Variants in RPS6KC1 observed in about 807,000 individuals in gnomAD.
The protein encoded by RPS6KC1 is ribosomal protein S6 kinase C1.
In RPS6KC1, 54 loss-of-function variants were observed where a neutral mutation model predicts 103.8. The observed-to-expected ratio is 0.52, with a 90% CI of 0.42 to 0.65. The LOEUF (loss-of-function observed/expected upper bound fraction) is 0.65. Ranked by LOEUF, RPS6KC1 falls within the 30% of genes least tolerant of loss-of-function variation. RPS6KC1 has a pLI of 0.00. For synonymous variants in RPS6KC1, 439 were observed against 438.7 expected (o/e 1.00, Z -0.01); for missense variants, 1,151 against 1,253.8 (o/e 0.92, Z 1.24).
chr1:213,484,678 G>T, the RPS6KC1 span, among the ~76,000 whole-genome samples: 95 of 152,270 alleles, frequency 6.2e-4, no homozygotes, highest in African/African-American at 2.2e-3. Context: ...CAAGAGGTGG[G>T]TGTCATGTAC....
At chr1:213,588,167 C>T in the RPS6KC1 span, among the ~76,000 whole-genome samples, 4 of 152,120 alleles carry the variant, frequency 2.6e-5, no homozygotes, top group Non-Finnish European at 4.4e-5. Flanking sequence ...CCTCAACCTC[C>T]CGGGCTCAAG....
At chr1:213,797,037 GT>G in the RPS6KC1 span, among the ~76,000 whole-genome samples, 1 of 152,310 alleles carries the variant, frequency 6.6e-6, no homozygotes, top group East Asian at 1.9e-4. Context: ...GATGCAATCA[GT>G]TGATGACTAC....
At chr1:213,108,297 C>T (rs1025965877) in intron 4 of RPS6KC1, among the ~76,000 whole-genome samples, 3 of 152,090 alleles carry the variant, frequency 2.0e-5, no homozygotes, top group African/African-American at 7.2e-5. Flanking sequence ...CTAAATTCAT[C>T]TTCTGGTGTG....
chr1:213,562,878 G>C, the RPS6KC1 span, among the ~76,000 whole-genome samples: 1 of 151,666 alleles, frequency 6.6e-6, no homozygotes, highest in East Asian at 2.0e-4. Flanking sequence ...TGCCCAGGCT[G>C]GTCTTGAACT....
chr1:213,234,155 G>A (rs749041385), intron 10 of RPS6KC1, among the ~76,000 whole-genome samples: 15 of 151,564 alleles, frequency 9.9e-5, no homozygotes, highest in Non-Finnish European at 1.8e-4. Context: ...GATTACATGC[G>A]TGCACCACCA....
chr1:213,106,668 C>G (rs2082530372), intron 4 of RPS6KC1, among the ~76,000 whole-genome samples: 1 of 152,114 alleles, frequency 6.6e-6, no homozygotes, highest in Non-Finnish European at 1.5e-5. Context: ...ATGCAAATGA[C>G]CATATAGCCA....
At chr1:213,459,982 TAGGG>T in the RPS6KC1 span, among the ~76,000 whole-genome samples, 1 of 152,240 alleles carries the variant, frequency 6.6e-6, no homozygotes, top group Non-Finnish European at 1.5e-5. Flanking sequence ...TTGCATTTGC[TAGGG>T]AGTGTTTTAC....
the RPS6KC1 span, among the ~76,000 whole-genome samples, chr1:213,574,858 G>A: frequency 2.3e-4 from 35 of 152,240 alleles, no homozygotes; most frequent in East Asian, 6.6e-3. Context: ...TTGGGGTGTG[G>A]GCTGGCAAGA....
At chr1:213,409,702 A>G in the RPS6KC1 span, among the ~76,000 whole-genome samples, 1 of 152,220 alleles carries the variant, frequency 6.6e-6, no homozygotes, top group Non-Finnish European at 1.5e-5. Context: ...GGTCTGCTCA[A>G]TGGCTCCAAT....
At chr1:213,426,927 A>G in the RPS6KC1 span, among the ~76,000 whole-genome samples, 2 of 152,242 alleles carry the variant, frequency 1.3e-5, no homozygotes, top group African/African-American at 2.4e-5. Context: ...TCTAGCTGCT[A>G]TGTATACTGG....
chr1:213,332,506 G>A, the RPS6KC1 span, among the ~76,000 whole-genome samples: 1 of 152,236 alleles, frequency 6.6e-6, no homozygotes, highest in East Asian at 1.9e-4. Context: ...TCCATCTCTG[G>A]CAGCAGGACG....
intron 6 of RPS6KC1, among the ~76,000 whole-genome samples, chr1:213,159,335 A>G (rs1003226003): frequency 4.6e-5 from 7 of 152,216 alleles, no homozygotes; most frequent in African/African-American, 1.4e-4. Context: ...ACTGGAAATT[A>G]TAGCTTGGAA....
intron 1 of RPS6KC1, among the ~76,000 whole-genome samples, chr1:213,066,655 C>T (rs1228059150): frequency 6.6e-6 from 1 of 152,148 alleles, no homozygotes; most frequent in African/African-American, 2.4e-5. Context: ...TCAGGTGTTG[C>T]AGTCAAGGAG....
the RPS6KC1 span, among the ~76,000 whole-genome samples, chr1:213,685,026 C>A: frequency 6.6e-6 from 1 of 152,162 alleles, no homozygotes; most frequent in African/African-American, 2.4e-5. Context: ...AACTAATTCA[C>A]CCCACCCTCT....
At chr1:213,783,163 A>T in the RPS6KC1 span, among the ~76,000 whole-genome samples, 1 of 152,214 alleles carries the variant, frequency 6.6e-6, no homozygotes, top group Non-Finnish European at 1.5e-5. Context: ...ACACCGCAGT[A>T]TGACAGCTAA....
chr1:213,597,497 A>G, the RPS6KC1 span, among the ~76,000 whole-genome samples: 2 of 152,188 alleles, frequency 1.3e-5, no homozygotes, highest in Non-Finnish European at 2.9e-5. Flanking sequence ...ACCTGGGAAG[A>G]ACATCCTAGA....
At chr1:213,742,432 C>T in the RPS6KC1 span, among the ~76,000 whole-genome samples, 1 of 152,216 alleles carries the variant, frequency 6.6e-6, no homozygotes, top group Non-Finnish European at 1.5e-5. Context: ...TTAGGAAGTG[C>T]ACACCCATTC....
At chr1:213,392,267 C>G in the RPS6KC1 span, among the ~76,000 whole-genome samples, 1 of 152,116 alleles carries the variant, frequency 6.6e-6, no homozygotes, top group Non-Finnish European at 1.5e-5. Flanking sequence ...CGCAGCACTG[C>G]TCATGAACAG....
chr1:213,706,913 G>A, the RPS6KC1 span, among the ~76,000 whole-genome samples: 23 of 152,192 alleles, frequency 1.5e-4, no homozygotes, highest in African/African-American at 5.5e-4. Flanking sequence ...ATTCCATGGT[G>A]TATATATGCC....
Sources: allele counts gnomAD v4.1 joint callset (sites outside exome capture counted in the v4.1 genomes callset), GRCh38; gene constraint gnomAD v4.1.1; transcripts MANE v1.5; gene names NCBI Gene and HGNC (gene_info 2026-07-23, HGNC 2026-07-21).